Variants in NXPE2 observed in about 807,000 individuals in gnomAD.
NXPE2 encodes NXPE family member 2.
In NXPE2, 34 loss-of-function variants were observed where a neutral mutation model predicts 34.4. The observed-to-expected ratio is 0.99, with a 90% confidence interval of 0.75 to 1.31. The LOEUF (loss-of-function observed/expected upper bound fraction) is 1.31. Ranked by LOEUF, NXPE2 falls within the 40% of genes most tolerant of loss-of-function variation. NXPE2 has a pLI of 0.00. For missense variants in NXPE2, 649 were observed against 672.5 expected (o/e 0.97, Z 0.39); for synonymous variants, 235 against 231.3 (o/e 1.02, Z -0.15).
At chr11:114,637,231 C>G in the NXPE2 span, among the ~76,000 whole-genome samples, 20 of 151,808 alleles carry the variant, frequency 1.3e-4, no homozygotes, top group African/African-American at 4.8e-4. Context: ...CCTTCTTTGT[C>G]TCTTTTGATC....
the NXPE2 span, among the ~76,000 whole-genome samples, chr11:114,767,156 C>A: frequency 6.6e-6 from 1 of 152,080 alleles, no homozygotes; most frequent in Non-Finnish European, 1.5e-5. Flanking sequence ...GTTTTTATGC[C>A]TTTTCATACT....
chr11:114,669,982 C>G, the NXPE2 span, among the ~76,000 whole-genome samples: 1,388 of 152,108 alleles, frequency 9.1e-3, 19 homozygotes, highest in African/African-American at 0.032. Context: ...AGCTCCTTGA[C>G]AGTAACAAGC....
chr11:114,510,726 G>A, the NXPE2 span, among the ~76,000 whole-genome samples: 90,506 of 152,074 alleles, frequency 0.6, 28,788 homozygotes, highest in African/African-American at 0.84. Flanking sequence ...TTGGCACATT[G>A]TCTGATAGTG....
the NXPE2 span, among the ~76,000 whole-genome samples, chr11:114,490,300 C>A: frequency 2.0e-5 from 3 of 152,182 alleles, no homozygotes; most frequent in Non-Finnish European, 2.9e-5. Flanking sequence ...TTTATGGATT[C>A]ATTGGCCTCC....
At chr11:114,636,370 C>T in the NXPE2 span, among the ~76,000 whole-genome samples, 2 of 151,742 alleles carry the variant, frequency 1.3e-5, no homozygotes, top group Non-Finnish European at 2.9e-5. Context: ...CTTTATTAGT[C>T]TGCTAGCGGT....
chr11:114,570,429 G>C, the NXPE2 span, among the ~76,000 whole-genome samples: 1 of 152,118 alleles, frequency 6.6e-6, no homozygotes, highest in Non-Finnish European at 1.5e-5. Context: ...CCTAGTATCA[G>C]GAGTTCCTAC....
At chr11:114,557,651 A>G in the NXPE2 span, among the ~76,000 whole-genome samples, 1,754 of 53,346 alleles carry the variant, frequency 0.033, 21 homozygotes, top group Middle Eastern at 0.063. Flanking sequence ...ATATATATAT[A>G]TATATATATA....
chr11:114,678,500 C>A, upstream of NXPE2: 1 of 1,216,606 alleles, frequency 8.2e-7, no homozygotes. Flanking sequence ...GAAACTCCAA[C>A]CCTAAGATAA....
At chr11:114,617,318 T>A in the NXPE2 span, among the ~76,000 whole-genome samples, 3 of 152,118 alleles carry the variant, frequency 2.0e-5, no homozygotes, top group Non-Finnish European at 4.4e-5. Context: ...AAGTTTTGCC[T>A]CGTGGGTAAC....
chr11:114,729,602 T>C, the NXPE2 span, among the ~76,000 whole-genome samples: 2 of 152,006 alleles, frequency 1.3e-5, no homozygotes, highest in African/African-American at 4.8e-5. Context: ...TAATAGTCAC[T>C]CTGGTGTGAG....
chr11:114,708,636 A>AAAAAAGAAAAGAAAAG (rs1555080863), downstream of NXPE2, among the ~76,000 whole-genome samples: 1 of 148,412 alleles, frequency 6.7e-6, no homozygotes, highest in African/African-American at 2.5e-5. Context: ...TCTCAAAAAA[A>AAAAAAGAAAAGAAAAG]AAAAGAAAAG....
chr11:114,671,134 G>T, the NXPE2 span, among the ~76,000 whole-genome samples: 4 of 149,514 alleles, frequency 2.7e-5, no homozygotes, highest in African/African-American at 9.8e-5. Context: ...GAGTTGAAAA[G>T]TACAATAACT....
the NXPE2 span, among the ~76,000 whole-genome samples, chr11:114,636,451 T>C: frequency 6.6e-6 from 1 of 152,130 alleles, no homozygotes; most frequent in East Asian, 1.9e-4. Context: ...GTTTTTTGTG[T>C]CTCTATTTCC....
At chr11:114,770,266 A>T in the NXPE2 span, among the ~76,000 whole-genome samples, 1 of 152,220 alleles carries the variant, frequency 6.6e-6, no homozygotes, top group African/African-American at 2.4e-5. Context: ...ACAGATTTGG[A>T]ACAAGGGGTT....
At chr11:114,728,075 T>G in the NXPE2 span, among the ~76,000 whole-genome samples, 1 of 152,064 alleles carries the variant, frequency 6.6e-6, no homozygotes. Flanking sequence ...GGCCCCGTCC[T>G]CCATGTTCAA....
the NXPE2 span, chr11:114,580,188 A>G: frequency 6.2e-7 from 1 of 1,614,048 alleles, no homozygotes; most frequent in Non-Finnish European, 8.5e-7. Flanking sequence ...ATCTCCCATT[A>G]GGTATATGAG....
At chr11:114,574,882 A>T in the NXPE2 span, among the ~76,000 whole-genome samples, 4 of 152,128 alleles carry the variant, frequency 2.6e-5, no homozygotes, top group African/African-American at 4.8e-5. Context: ...GGAAGGACAC[A>T]ACAAAAAAGA....
At chr11:114,621,366 T>C in the NXPE2 span, among the ~76,000 whole-genome samples, 1 of 151,858 alleles carries the variant, frequency 6.6e-6, no homozygotes, top group African/African-American at 2.4e-5. Context: ...AATACTGTTA[T>C]CTGCTGCATA....
At chr11:114,652,148 G>C in the NXPE2 span, among the ~76,000 whole-genome samples, 1 of 152,186 alleles carries the variant, frequency 6.6e-6, no homozygotes, top group African/African-American at 2.4e-5. Context: ...ACTCTAGTAA[G>C]ATTCAGGATG....
Sources: allele counts gnomAD v4.1 joint callset (sites outside exome capture counted in the v4.1 genomes callset), GRCh38; gene constraint gnomAD v4.1.1; transcripts MANE v1.5; gene names NCBI Gene and HGNC (gene_info 2026-07-23, HGNC 2026-07-21).